Variants in FHOD3 observed in about 807,000 individuals in gnomAD.
FHOD3 encodes the protein FH1/FH2 domain-containing protein 3.
Under a neutral mutation model 173.0 loss-of-function variants are expected in FHOD3, and 90 were observed. The observed-to-expected ratio is 0.52, with a 90% CI of 0.44 to 0.62. The LOEUF (loss-of-function observed/expected upper bound fraction) is 0.62, where lower values mean the gene tolerates loss of function less well. FHOD3 is among the 20% of genes least tolerant of loss of function. FHOD3 has a pLI of 0.00. For missense variants in FHOD3, 1,945 were observed against 2,034.7 expected, an observed-to-expected ratio of 0.96 and a Z score of 0.85; for synonymous variants, 828 against 823.0, an observed-to-expected ratio of 1.01 and a Z score of -0.10.
At chr18:36,708,055 G>T (rs1171004025) in intron 17 of FHOD3, among the ~76,000 whole-genome samples, 1 of 152,070 alleles carries the variant, frequency 6.6e-6, no homozygotes, top group Non-Finnish European at 1.5e-5. Context: ...ATAGCTGAGG[G>T]TTTTGCTCAG....
At position 36,776,390 on chromosome 18, in the gene FHOD3, T is replaced by C. The variant is rs187593964; in HGVS notation, c.4787-3058T>C. On this transcript the variant is annotated intron_variant, in intron 28 of 28. Coordinates refer to ENST00000590592, the MANE Select transcript of FHOD3 (RefSeq NM_001281740.3). The stretch of plus-strand genomic sequence containing the variant: ...AGAAACTGACCAGCAGACAGATGGT[T>C]GACCAAACACCCAAAGGGGCTCTTG... 1.3e-3 allele frequency among the ~76,000 whole-genome samples: 194 copies of C among 152,290 alleles called. 3 individuals carry two copies. The highest frequency in any genetic ancestry group is 4.5e-3 in the African/African-American group (188 of 41,566).
chr18:36,725,066 G>C (rs544366524), intron 19 of FHOD3, among the ~76,000 whole-genome samples: 43 of 152,286 alleles, frequency 2.8e-4, no homozygotes, highest in African/African-American at 9.6e-4. Flanking sequence ...CCTTTTTGCT[G>C]ACCACCCAAA....
chr18:36,325,154 T>A lies in FHOD3; in HGVS notation c.165+27154T>A, dbSNP rs2044604855. Among the ~76,000 whole-genome samples, 3 of 152,062 alleles carry A rather than the reference T, an allele frequency of 2.0e-5. No individual in the cohort carries two copies. The South Asian group carries it at 6.2e-4, about 32-fold the overall frequency. On this transcript the variant is annotated intron_variant, in intron 1 of 28. Coordinates refer to ENST00000590592, the MANE Select transcript of FHOD3 (RefSeq NM_001281740.3). ...GTAATTTTCTAAGTCAAGATAGCAG[T>A]TTACCTTTGGAGAGGAGGGGGTTTT...
chr18:36,617,582 CCTGTGTGT>C (rs1459945213), intron 9 of FHOD3, among the ~76,000 whole-genome samples: 17 of 61,398 alleles, frequency 2.8e-4, no homozygotes, highest in Admixed American at 1.2e-3. Flanking sequence ...CTTGTACTTC[CCTGTGTGT>C]GTGTGTGTGT....
chr18:36,405,136 G>A (rs373279023), intron 3 of FHOD3, among the ~76,000 whole-genome samples: 1 of 152,134 alleles, frequency 6.6e-6, no homozygotes, highest in Non-Finnish European at 1.5e-5. Context: ...TAAAACATCA[G>A]CCCCCGTGAG....
At chr18:36,639,448 G>A (rs770996305) in intron 10 of FHOD3, among the ~76,000 whole-genome samples, 13 of 152,088 alleles carry the variant, frequency 8.5e-5, no homozygotes, top group Non-Finnish European at 1.6e-4. Context: ...CAAGGCGGGC[G>A]GATCACGAGG....
intron 5 of FHOD3, among the ~76,000 whole-genome samples, chr18:36,555,821 C>G (rs1240469369): frequency 2.0e-5 from 3 of 152,152 alleles, no homozygotes; most frequent in Non-Finnish European, 4.4e-5. Flanking sequence ...ATTCATGTCT[C>G]TGAAATCTAT....
chr18:36,597,022 G>A (rs559746017), intron 7 of FHOD3, among the ~76,000 whole-genome samples: 17 of 152,216 alleles, frequency 1.1e-4, no homozygotes, highest in African/African-American at 2.9e-4. Flanking sequence ...TAACTCTGGC[G>A]GTTGCTTGAG....
intron 3 of FHOD3, among the ~76,000 whole-genome samples, chr18:36,375,229 G>A (rs564740072): frequency 2.0e-5 from 3 of 152,146 alleles, no homozygotes; most frequent in Non-Finnish European, 4.4e-5. Context: ...AATGACAATC[G>A]GAAATATGAC....
At chr18:36,761,768 G>A (rs572639398) in intron 27 of FHOD3, among the ~76,000 whole-genome samples, 7 of 152,184 alleles carry the variant, frequency 4.6e-5, no homozygotes, top group African/African-American at 1.4e-4. Flanking sequence ...AACTGTTGGA[G>A]ACAGGCTTTC....
intron 18 of FHOD3, among the ~76,000 whole-genome samples, chr18:36,712,193 A>T (rs77883760): frequency 0.027 from 4,176 of 152,320 alleles, 105 homozygotes; most frequent in East Asian, 0.098. Flanking sequence ...TAAAGCATAA[A>T]ATGTCCAAGA....
intron 5 of FHOD3, among the ~76,000 whole-genome samples, chr18:36,563,219 C>A (rs2058150695): frequency 6.6e-6 from 1 of 152,080 alleles, no homozygotes; most frequent in Non-Finnish European, 1.5e-5. Flanking sequence ...TACATAACAT[C>A]CAAAAACCTA....
intron 3 of FHOD3, among the ~76,000 whole-genome samples, chr18:36,457,372 G>C (rs562697172): frequency 6.6e-6 from 1 of 152,248 alleles, no homozygotes; most frequent in South Asian, 2.1e-4. Context: ...GGTGAAAGTG[G>C]CAGCCATCAG....
chr18:36,648,152 G>A (rs1032285610), intron 10 of FHOD3, among the ~76,000 whole-genome samples: 2 of 152,168 alleles, frequency 1.3e-5, no homozygotes, highest in Admixed American at 6.5e-5. Context: ...GCATTAGGAG[G>A]TGAAGAATTT....
intron 3 of FHOD3, among the ~76,000 whole-genome samples, chr18:36,392,331 A>T (rs1358597069): frequency 6.6e-6 from 1 of 152,204 alleles, no homozygotes; most frequent in Non-Finnish European, 1.5e-5. Flanking sequence ...CTATATGAAT[A>T]ATAAGGCCAG....
intron 3 of FHOD3, among the ~76,000 whole-genome samples, chr18:36,424,483 A>ATG (rs929465535): frequency 4.6e-5 from 7 of 152,070 alleles, no homozygotes; most frequent in African/African-American, 1.7e-4. Flanking sequence ...CCCTGGTAGA[A>ATG]TGTCAGTACG....
intron 3 of FHOD3, among the ~76,000 whole-genome samples, chr18:36,438,666 G>C (rs1379766158): frequency 6.6e-6 from 1 of 152,302 alleles, no homozygotes; most frequent in East Asian, 1.9e-4. Context: ...TATTGCTCAG[G>C]TATGGAGGCC....
intron 27 of FHOD3, 146 bp downstream of exon 27, chr18:36,760,928 G>A (rs1231625058): frequency 7.6e-6 from 6 of 792,202 alleles, no homozygotes; most frequent in Non-Finnish European, 1.1e-5. Flanking sequence ...CCTCACTAGC[G>A]TCTTCCTGAC....
At position 36,380,568 on chromosome 18, in the gene FHOD3, TTTTCTTTTCTTTTCCTTTCC is replaced by T. The variant is rs1488373669; in HGVS notation, c.337+7829_337+7848del. ...CTTTCTTTTGTTTTCTTTTCTTTTC[TTTTCTTTTCTTTTCCTTTCC>T]TTTCCTTTCCTTTCCTTTCCTTTCC... On this transcript the variant is annotated intron_variant, in intron 3 of 28. Coordinates refer to ENST00000590592, the MANE Select transcript of FHOD3 (RefSeq NM_001281740.3). Among the ~76,000 whole-genome samples the T allele has an allele frequency of 2.8e-3, 232 of 83,190 alleles. 3 individuals are homozygous for T. The highest frequency in any genetic ancestry group is 9.3e-3 in the African/African-American group (167 of 17,930). 54.6% of individuals were successfully genotyped at this position (83,190 alleles called of 152,430 possible).
Sources: allele counts gnomAD v4.1 joint callset (sites outside exome capture counted in the v4.1 genomes callset), GRCh38; gene constraint gnomAD v4.1.1; transcripts MANE v1.5; gene names NCBI Gene and HGNC (gene_info 2026-07-23, HGNC 2026-07-21).